SLIT3: variants seen among roughly 807,000 people sequenced by gnomAD.
SLIT3 encodes the protein slit homolog 3 protein.
A neutral mutation model predicts 184.0 loss-of-function variants in SLIT3; 68 were observed. The observed-to-expected ratio is 0.37, with a 90% confidence interval of 0.30 to 0.45. The LOEUF (loss-of-function observed/expected upper bound fraction) is 0.45, where lower values mean the gene tolerates loss of function less well. SLIT3 is among the 20% of genes least tolerant of loss of function. SLIT3 has a pLI of 1.00. For synonymous variants in SLIT3, 831 were observed against 828.6 expected, an observed-to-expected ratio of 1.00 and a Z score of -0.05; for missense variants, 1,707 against 2,026.0, an observed-to-expected ratio of 0.84 and a Z score of 3.02.
At chr5:169,229,373 TAAG>T (rs969504129) in intron 3 of SLIT3, among the ~76,000 whole-genome samples, 2 of 152,164 alleles carry the variant, frequency 1.3e-5, no homozygotes, top group Non-Finnish European at 2.9e-5. Context: ...AATATAGAAA[TAAG>T]AACGATAACT....
At chr5:168,739,744 CTCCTCCCTTT>C (rs1453369921) in intron 20 of SLIT3, among the ~76,000 whole-genome samples, 2 of 152,218 alleles carry the variant, frequency 1.3e-5, no homozygotes, top group Non-Finnish European at 2.9e-5. Context: ...CCGCACCCGG[CTCCTCCCTTT>C]TCAAATACAT....
intron 3 of SLIT3, among the ~76,000 whole-genome samples, chr5:169,213,014 G>T (rs1475992798): frequency 6.6e-6 from 1 of 151,976 alleles, no homozygotes; most frequent in African/African-American, 2.4e-5. Flanking sequence ...TATCTGTTTT[G>T]GTTACTGTAG....
At chr5:169,162,364 C>A (rs1259282072) in intron 4 of SLIT3, among the ~76,000 whole-genome samples, 1 of 152,156 alleles carries the variant, frequency 6.6e-6, no homozygotes. Context: ...TGCTGTGTAT[C>A]GCCATGTTGC....
At chr5:169,245,527 C>T (rs974315222) in intron 2 of SLIT3, among the ~76,000 whole-genome samples, 2 of 152,118 alleles carry the variant, frequency 1.3e-5, no homozygotes, top group Non-Finnish European at 2.9e-5. Flanking sequence ...AACAATGAAG[C>T]TATGTAGCTT....
intron 20 of SLIT3, among the ~76,000 whole-genome samples, chr5:168,725,787 T>A (rs575528255): frequency 6.6e-6 from 1 of 152,338 alleles, no homozygotes; most frequent in East Asian, 1.9e-4. Context: ...GCTAGCACAC[T>A]ACCTGGTGTC....
Position 168,756,092 on chromosome 5 carries a change from G to C in SLIT3, c.1686-2085C>G, listed in dbSNP as rs1353464367. Reference sequence around the variant, plus strand: ...GAAATCGCAGGTGGAGGTGGAGCCCGTGAACTCACAGAGCACACGAAAGCT... The same window carrying C: ...GAAATCGCAGGTGGAGGTGGAGCCCCTGAACTCACAGAGCACACGAAAGCT... On this transcript the variant is annotated intron_variant, in intron 16 of 35. Transcript: ENST00000519560. Among the ~76,000 whole-genome samples, 4 of 152,218 alleles carry C rather than the reference G, an allele frequency of 2.6e-5. No individual in the cohort carries two copies. In the South Asian group the frequency reaches 8.3e-4, roughly 32 times the overall value.
intron 4 of SLIT3, among the ~76,000 whole-genome samples, chr5:169,179,056 C>G (rs1448877461): frequency 1.3e-5 from 2 of 152,214 alleles, no homozygotes; most frequent in East Asian, 1.9e-4. Context: ...TTATACAACA[C>G]CAAGCCAGAG....
chr5:168,681,334 C>T (rs1169464884), intron 32 of SLIT3, among the ~76,000 whole-genome samples: 1 of 152,152 alleles, frequency 6.6e-6, no homozygotes, highest in Non-Finnish European at 1.5e-5. Context: ...GGGTCTGGCC[C>T]AAACATGGGG....
At chr5:169,120,513 C>T (rs115203654) in intron 4 of SLIT3, among the ~76,000 whole-genome samples, 1 of 152,152 alleles carries the variant, frequency 6.6e-6, no homozygotes, top group South Asian at 2.1e-4. Flanking sequence ...GAATTCTCTC[C>T]TAGGATTTTA....
intron 8 of SLIT3, among the ~76,000 whole-genome samples, chr5:168,810,221 A>G (rs1757116577): frequency 1.3e-5 from 2 of 152,220 alleles, no homozygotes; most frequent in Non-Finnish European, 2.9e-5. Context: ...AGGAATGGGA[A>G]TAGCAATTTT....
At chr5:169,171,749 G>A (rs868430920) in intron 4 of SLIT3, among the ~76,000 whole-genome samples, 5 of 152,302 alleles carry the variant, frequency 3.3e-5, no homozygotes, top group South Asian at 2.1e-4. Context: ...CATCTACCTC[G>A]GAGGACTCAG....
chr5:169,113,469 T>C (rs574653980), intron 4 of SLIT3, among the ~76,000 whole-genome samples: 40 of 152,300 alleles, frequency 2.6e-4, no homozygotes, highest in South Asian at 1.2e-3. Context: ...CATCCACTGA[T>C]GGACACTTGA....
chr5:168,668,577 G>A (rs371489858), intron 35 of SLIT3, among the ~76,000 whole-genome samples: 26 of 152,310 alleles, frequency 1.7e-4, no homozygotes, highest in African/African-American at 6.3e-4. Context: ...AACTTTGGCA[G>A]TATGAGTTAT....
At chr5:168,767,047 C>T (rs1755368241) in intron 14 of SLIT3, among the ~76,000 whole-genome samples, 1 of 152,198 alleles carries the variant, frequency 6.6e-6, no homozygotes, top group African/African-American at 2.4e-5. Context: ...TAGCTAACCT[C>T]TCTGAGCCTC....
chr5:168,776,658 C>T (rs371749484), intron 12 of SLIT3, among the ~76,000 whole-genome samples: 10 of 152,218 alleles, frequency 6.6e-5, no homozygotes, highest in African/African-American at 2.2e-4. Flanking sequence ...TTTGCAACAT[C>T]CCTCCCCCCT....
intron 4 of SLIT3, among the ~76,000 whole-genome samples, chr5:169,094,302 T>A (rs1377793645): frequency 6.6e-6 from 1 of 152,230 alleles, no homozygotes; most frequent in Non-Finnish European, 1.5e-5. Context: ...ATAATGACTT[T>A]GAGCCAGAAT....
At chr5:169,002,484 T>C (rs1755749925) in intron 4 of SLIT3, among the ~76,000 whole-genome samples, 1 of 151,650 alleles carries the variant, frequency 6.6e-6, no homozygotes, top group South Asian at 2.1e-4. Context: ...GGAGATGACA[T>C]CAGGTGGGAG....
chr5:169,162,616 C>A (rs1762514920), intron 4 of SLIT3, among the ~76,000 whole-genome samples: 1 of 152,212 alleles, frequency 6.6e-6, no homozygotes, highest in African/African-American at 2.4e-5. Flanking sequence ...ACTGACCACA[C>A]CATGAGTCAA....
intron 4 of SLIT3, among the ~76,000 whole-genome samples, chr5:169,157,745 A>G (rs1762357662): frequency 6.6e-6 from 1 of 152,234 alleles, no homozygotes; most frequent in Non-Finnish European, 1.5e-5. Context: ...TGGATTTTAA[A>G]ACAGCCATGC....
Sources: gnomAD v4.1 joint callset for allele counts (sites outside exome capture counted in the v4.1 genomes callset) on GRCh38, gnomAD v4.1.1 for gene constraint, MANE v1.5 for transcripts, NCBI Gene and HGNC (gene_info 2026-07-23, HGNC 2026-07-21) for gene names.